Variants in C6 observed in about 807,000 individuals in gnomAD.
The protein encoded by C6 is complement component C6.
A neutral mutation model predicts 112.9 loss-of-function variants in C6; 101 were observed. The ratio of observed to expected loss-of-function variants is 0.89; its 90% confidence interval spans 0.76 to 1.06. The LOEUF (loss-of-function observed/expected upper bound fraction) is 1.06. Among genes scored for constraint, C6 ranks in the 50% least tolerant of loss-of-function variants. The pLI is 0.00. For synonymous variants in C6, 431 were observed against 384.1 expected (o/e 1.12, Z -1.43); for missense variants, 1,202 against 1,104.6 (o/e 1.09, Z -1.25).
At chr5:41,232,654 G>GC (rs1739979573) in intron 1 of C6, among the ~76,000 whole-genome samples, 1 of 151,908 alleles carries the variant, frequency 6.6e-6, no homozygotes, top group South Asian at 2.1e-4. Flanking sequence ...ATACAGAAAA[G>GC]TAAAAAAAAT....
intron 17 of C6, among the ~76,000 whole-genome samples, chr5:41,148,758 T>G (rs1260753682): frequency 1.3e-5 from 2 of 152,180 alleles, no homozygotes; most frequent in Non-Finnish European, 2.9e-5. Flanking sequence ...GTGTCCTGCC[T>G]GAATAGTATT....
chr5:41,224,013 T>C (rs1739333113), intron 1 of C6, among the ~76,000 whole-genome samples: 1 of 152,162 alleles, frequency 6.6e-6, no homozygotes. Flanking sequence ...CATCTGGAAA[T>C]AATGTCAACA....
At chr5:41,162,592 A>G (rs1307731422) in intron 9 of C6, among the ~76,000 whole-genome samples, 1 of 152,224 alleles carries the variant, frequency 6.6e-6, no homozygotes, top group East Asian at 1.9e-4. Context: ...ACAGGGATAG[A>G]GACTGAGTAA....
At chr5:41,202,890 C>T (rs1042981794) in intron 2 of C6, among the ~76,000 whole-genome samples, 198 bp downstream of exon 2, 5 of 152,116 alleles carry the variant, frequency 3.3e-5, no homozygotes, top group African/African-American at 9.7e-5. Flanking sequence ...TCTTTGAAAC[C>T]CCTCGTTCTT....
chr5:41,142,794 G>T lies in C6; in HGVS notation c.*31C>A. On this transcript the variant is annotated 3_prime_UTR_variant, in exon 18 of 18. Transcript: ENST00000337836. ...GTTGGTTCTTCGGGATGGTAAATCT[G>T]TTCATTGTGCTGGGCCTAGCAGTAA... 6.4e-7 allele frequency: 1 copy of T among 1,558,556 alleles called. No individual in the cohort carries two copies. Among genetic ancestry groups the T allele is most frequent in the Non-Finnish European group, 8.9e-7 (1 of 1,129,808 alleles).
chr5:41,204,378 C>G (rs1751260100), intron 1 of C6, among the ~76,000 whole-genome samples: 1 of 152,130 alleles, frequency 6.6e-6, no homozygotes, highest in Admixed American at 6.5e-5. Flanking sequence ...AAGAATGTTA[C>G]AAATTTAATA....
chr5:41,153,410 C>T (rs1746597132), intron 15 of C6, among the ~76,000 whole-genome samples: 1 of 152,164 alleles, frequency 6.6e-6, no homozygotes. Flanking sequence ...AAGTCTATGG[C>T]TTCCACATAC....
intron 7 of C6, 150 bp downstream of exon 7, chr5:41,181,209 G>A: frequency 1.5e-6 from 1 of 660,056 alleles, no homozygotes; most frequent in Non-Finnish European, 2.6e-6. Flanking sequence ...CTTTTGAAGT[G>A]AGATATAACA....
chr5:41,149,450 G>C lies in C6; in HGVS notation c.2414C>G (p.Thr805Arg). ...HHSEDLCVFD[T>R]DSNDYFTSPA... ...TGAAGTAAAGTAATCGTTGGAGTCT[G>C]TGTCAAACACACAGAGATCTTCTGA... Residue 805 changes from threonine (T) to arginine (R), a missense_variant, in exon 17 of 18, where the codon ACA becomes AGA. Coordinates refer to ENST00000337836, the MANE Select transcript of C6 (RefSeq NM_000065.5). 1.9e-6 allele frequency: 3 copies of C among 1,614,054 alleles called. No homozygotes were observed. Among genetic ancestry groups the C allele is most frequent in the Non-Finnish European group, 2.5e-6 (3 of 1,179,944 alleles).
chr5:41,146,759 A>T (rs944727805), intron 17 of C6, among the ~76,000 whole-genome samples: 4 of 151,382 alleles, frequency 2.6e-5, no homozygotes, highest in Non-Finnish European at 4.4e-5. Flanking sequence ...TTTTTTTTTT[A>T]AAACAAAGTT....
chr5:41,163,202 A>C (rs1320432867), intron 9 of C6, among the ~76,000 whole-genome samples: 2 of 152,124 alleles, frequency 1.3e-5, no homozygotes, highest in African/African-American at 4.8e-5. Flanking sequence ...GAATATTTCT[A>C]CTTATACAAT....
At position 41,201,591 on chromosome 5, in the gene C6, T is replaced by C. The variant is rs1438696098; in HGVS notation, c.267A>G (p.Pro89=). 4 of 1,613,766 alleles carry C rather than the reference T, an allele frequency of 2.5e-6. No individual in the cohort carries two copies. The highest frequency in any genetic ancestry group is 3.4e-6 in the Non-Finnish European group (4 of 1,179,910). ...CAATACAAGGGTCACAGTCTGACCATGGTCCAAAATCTCCCAGGAGGCAGT... is the reference window on the plus strand; with the variant it reads ...CAATACAAGGGTCACAGTCTGACCACGGTCCAAAATCTCCCAGGAGGCAGT... ...PINCLLGDFG[P]WSDCDPCIEK... The change falls in exon 3 of 18, where the codon CCA becomes CCG. Residue 89 remains proline, a synonymous_variant. Transcript: ENST00000337836.
In C6 at chr5:41,142,598, A is replaced by T; in HGVS notation, c.*227T>A. 1 of 565,910 alleles carries T rather than the reference A, an allele frequency of 1.8e-6. No homozygotes were observed. Among genetic ancestry groups the T allele is most frequent in the Admixed American group, 3.0e-5 (1 of 33,526 alleles). 35.1% of individuals were successfully genotyped at this position (565,910 alleles called of 1,614,324 possible). A position where few individuals can be genotyped will look rare whatever the true frequency, so the allele number is the denominator to read the frequency against. ...GGAGAATTTACGAGACTGCTGTGGA[A>T]GTTGGTACCTAGGGGTATGCTACAG... On this transcript the variant is annotated 3_prime_UTR_variant, in exon 18 of 18. Coordinates refer to ENST00000337836, the MANE Select transcript of C6 (RefSeq NM_000065.5).
chr5:41,182,486 T>C (rs1181922594), intron 6 of C6, among the ~76,000 whole-genome samples: 1 of 152,194 alleles, frequency 6.6e-6, no homozygotes, highest in Non-Finnish European at 1.5e-5. Flanking sequence ...TGTCCTGTAG[T>C]TATTCTAAGG....
intron 1 of C6, among the ~76,000 whole-genome samples, chr5:41,251,348 T>C (rs868108174): frequency 3.3e-5 from 5 of 150,874 alleles, no homozygotes; most frequent in Admixed American, 2.6e-4. Flanking sequence ...CCCAGAACCA[T>C]ATATATATAT....
At chr5:41,218,140 A>G (rs1366258604), upstream of C6, among the ~76,000 whole-genome samples, 2 of 152,182 alleles carry the variant, frequency 1.3e-5, no homozygotes, top group African/African-American at 4.8e-5. Flanking sequence ...AGTTCTTTCA[A>G]GAACTTCACC....
At chr5:41,200,739 C>T (rs1750949882) in intron 3 of C6, among the ~76,000 whole-genome samples, 1 of 151,958 alleles carries the variant, frequency 6.6e-6, no homozygotes, top group Non-Finnish European at 1.5e-5. Context: ...GTAAATATTT[C>T]AATGGGGAAC....
intron 1 of C6, among the ~76,000 whole-genome samples, chr5:41,209,771 C>G (rs377278605): frequency 6.6e-6 from 1 of 152,130 alleles, no homozygotes; most frequent in Non-Finnish European, 1.5e-5. Flanking sequence ...GAATCAATAT[C>G]GTGAAAATGG....
At chr5:41,167,851 C>T (rs1407952830) in intron 9 of C6, among the ~76,000 whole-genome samples, 1 of 151,962 alleles carries the variant, frequency 6.6e-6, no homozygotes, top group Non-Finnish European at 1.5e-5. Context: ...TTTATGGGGA[C>T]AATACTTCAA....
Sources: gnomAD v4.1 joint callset for allele counts (sites outside exome capture counted in the v4.1 genomes callset) on GRCh38, gnomAD v4.1.1 for gene constraint, MANE v1.5 for transcripts, NCBI Gene and HGNC (gene_info 2026-07-23, HGNC 2026-07-21) for gene names.